TSC1: variants seen among roughly 807,000 people sequenced by gnomAD.
TSC1 encodes TSC complex subunit 1, also known as hamartin.
In TSC1, 20 loss-of-function variants were observed where a neutral mutation model predicts 124.3. The observed-to-expected ratio is 0.16, with a 90% CI of 0.11 to 0.23. The LOEUF (loss-of-function observed/expected upper bound fraction) is 0.23. Among genes scored for constraint, TSC1 ranks in the 10% least tolerant of loss-of-function variants. The pLI, the probability that TSC1 is intolerant of heterozygous loss-of-function variation, is 1.00. For synonymous variants in TSC1, 493 were observed against 539.1 expected (o/e 0.91, Z 1.19); for missense variants, 1,124 against 1,448.5 (o/e 0.78, Z 3.64).
intron 5 of TSC1, among the ~76,000 whole-genome samples, chr9:132,924,161 C>G (rs1449467704): frequency 6.6e-6 from 1 of 152,120 alleles, no homozygotes; most frequent in East Asian, 1.9e-4. Context: ...CCAATGGATA[C>G]TCAATCAGCT....
chr9:132,892,633 C>G lies in TSC1; in HGVS notation c.*3602G>C, dbSNP rs1844831792. 1 of 233,284 alleles carries G rather than the reference C, an allele frequency of 4.3e-6. No individual in the cohort carries two copies. The highest frequency in any genetic ancestry group is 5.6e-5 in the Admixed American group (1 of 17,784). The allele number at this position is 233,284 out of a possible 1,614,324, so 14.5% of individuals were successfully genotyped here. A position where few individuals can be genotyped will look rare whatever the true frequency, so the allele number is the denominator to read the frequency against. On this transcript the variant is annotated 3_prime_UTR_variant, in exon 23 of 23. Transcript: ENST00000298552. ...AGCCTGTGCAGGCCTCCTCCCACCTCTTAGTGCTTTCAGCGAGAAAAGGTG... is the reference window on the plus strand; with the variant it reads ...AGCCTGTGCAGGCCTCCTCCCACCTGTTAGTGCTTTCAGCGAGAAAAGGTG...
chr9:132,910,446 T>C (rs1845887733), intron 12 of TSC1, 125 bp downstream of exon 12: 8 of 1,553,252 alleles, frequency 5.2e-6, no homozygotes, highest in Non-Finnish European at 7.1e-6. Flanking sequence ...TTTTCAATTA[T>C]TCTGATTCAA....
Position 132,903,504 on chromosome 9 carries a change from T to G in TSC1, c.2208+147A>C. Reference sequence around the variant, plus strand: ...ATGAGGGAATTCCGAGGTGTCACCATTCATGTCTTAATCTCAAGCGACCTG... The same window carrying G: ...ATGAGGGAATTCCGAGGTGTCACCAGTCATGTCTTAATCTCAAGCGACCTG... On this transcript the variant is annotated intron_variant, in intron 17 of 22. Coordinates refer to ENST00000298552, the MANE Select transcript of TSC1 (RefSeq NM_000368.5). The surrounding 1 kb of genome is among the most constrained non-coding windows in gnomAD (Gnocchi z 5.9). 1 of 1,095,796 alleles carries G rather than the reference T, an allele frequency of 9.1e-7. No homozygotes were observed. Among genetic ancestry groups the G allele is most frequent in the Non-Finnish European group, 1.4e-6 (1 of 732,900 alleles). The allele number at this position is 1,095,796 out of a possible 1,614,324, so 67.9% of individuals were successfully genotyped here.
At chr9:132,911,282 A>G (rs1257997887) in intron 10 of TSC1, 169 bp from the exon 11 acceptor site, 1 of 805,198 alleles carries the variant, frequency 1.2e-6, no homozygotes, top group East Asian at 2.6e-5. Context: ...CAAGACTTCA[A>G]GATGAATCTA....
intron 12 of TSC1, among the ~76,000 whole-genome samples, chr9:132,907,756 C>CAGCTT (rs1845748044): frequency 6.6e-6 from 1 of 152,162 alleles, no homozygotes; most frequent in Non-Finnish European, 1.5e-5. Context: ...TCCCAAAGTG[C>CAGCTT]TGGGACCACG....
chr9:132,901,287 G>GGGAT (rs1445634451), intron 19 of TSC1, among the ~76,000 whole-genome samples: 1 of 152,230 alleles, frequency 6.6e-6, no homozygotes, highest in Non-Finnish European at 1.5e-5. Flanking sequence ...AGAGTTCCAT[G>GGGAT]GGATACACAT....
rs1064796512 is a variant in TSC1 at position 132,911,004 on chromosome 9, G to C, written c.1139C>G (p.Thr380Ser). The change falls in exon 11 of 23, where the codon ACT becomes AGT. Residue 380 changes from threonine (T) to serine (S), a missense_variant and splice_region_variant. This residue lies in a region of TSC1 where 463 missense variants were observed against 606.8 expected (regional missense o/e 0.76). Coordinates refer to ENST00000298552, the MANE Select transcript of TSC1 (RefSeq NM_000368.5). ...AATCCAACCTAAGACATACATACCA[G>C]TTGTACCAAAGACTTTACTGTAAGG... ...SHPYSKVFGTTAGGKGTPLGT... is the reference protein window; with the variant it reads ...SHPYSKVFGTSAGGKGTPLGT... 4 of 1,613,478 alleles carry C rather than the reference G, an allele frequency of 2.5e-6. No homozygotes were observed. Among genetic ancestry groups the C allele is most frequent in the African/African-American group, 2.7e-5 (2 of 74,904 alleles).
At chr9:132,940,768 T>C (rs747676412) in intron 1 of TSC1, 3 of 152,194 alleles carry the variant, frequency 2.0e-5, no homozygotes, top group Non-Finnish European at 4.4e-5. Context: ...TATAACAATA[T>C]TACTACTTCA....
intron 8 of TSC1, among the ~76,000 whole-genome samples, chr9:132,915,185 A>G (rs575575128): frequency 6.6e-6 from 1 of 151,938 alleles, no homozygotes; most frequent in African/African-American, 2.4e-5. Flanking sequence ...ACCCTGTCTC[A>G]GGAAGAAAAA....
In TSC1 at chr9:132,894,540, G is replaced by A. The variant is rs1465765367; in HGVS notation, c.*1695C>T. 4.4e-6 allele frequency: 1 copy of A among 228,840 alleles called. No individual in the cohort carries two copies. The highest frequency in any genetic ancestry group is 6.2e-5 in the East Asian group (1 of 16,030). 14.2% of individuals were successfully genotyped at this position (228,840 alleles called of 1,614,324 possible). A position where few individuals can be genotyped will look rare whatever the true frequency, so the allele number is the denominator to read the frequency against. Reference sequence around the variant, plus strand: ...ACCAACTGCCAGCCTGTGCTAGGCTGAGTAGTTGGGACCACGCCCTGCCAC... The same window carrying A: ...ACCAACTGCCAGCCTGTGCTAGGCTAAGTAGTTGGGACCACGCCCTGCCAC... On this transcript the variant is annotated 3_prime_UTR_variant, in exon 23 of 23. Transcript: ENST00000298552.
At position 132,927,319 on chromosome 9, in the gene TSC1, G is replaced by A. The variant is rs1448464915; in HGVS notation, c.107-15C>T. ...AGGGCCACGGTCTAAATCAAGAAAA[G>A]GGCAATGGATGATACTTATTCCCCT... is the stretch of plus-strand genomic sequence containing the variant. On this transcript the variant is annotated splice_polypyrimidine_tract_variant and intron_variant, in intron 3 of 22. Transcript: ENST00000298552. 1 of 1,610,488 alleles carries A rather than the reference G, an allele frequency of 6.2e-7. No individual in the cohort carries two copies. The highest frequency in any genetic ancestry group is 8.5e-7 in the Non-Finnish European group (1 of 1,177,576).
chr9:132,936,209 G>A (rs1847450241), intron 1 of TSC1, among the ~76,000 whole-genome samples: 1 of 152,038 alleles, frequency 6.6e-6, no homozygotes, highest in Admixed American at 6.6e-5. Flanking sequence ...CAAACTCCTA[G>A]GCTCAAGTGA....
chr9:132,906,866 A>C lies in TSC1; in HGVS notation c.1334-31T>G. The C allele has an allele frequency of 1.3e-6, 2 of 1,562,334 alleles. No homozygotes were observed. The highest frequency in any genetic ancestry group is 1.8e-6 in the Non-Finnish European group (2 of 1,133,438). On this transcript the variant is annotated intron_variant, in intron 13 of 22. Transcript: ENST00000298552. This position sits in a 1 kb window ranked among gnomAD's most constrained non-coding sequence, Gnocchi z 4.1. ...GAGAAACAAAGACAACTGAAGTCAA[A>C]GAAATACAGTGTAATCCCTGTAAGT...
At chr9:132,904,507 CG>C (rs1845554536) in intron 15 of TSC1, 53 bp from the exon 16 acceptor site, 1 of 1,561,916 alleles carries the variant, frequency 6.4e-7, no homozygotes, top group South Asian at 1.1e-5. Flanking sequence ...AAGAAAAAAA[CG>C]TATCTGGACT....
intron 20 of TSC1, 83 bp downstream of exon 20, chr9:132,900,632 A>C (rs1564474746): frequency 6.2e-7 from 1 of 1,605,250 alleles, no homozygotes; most frequent in Non-Finnish European, 8.5e-7. Flanking sequence ...TCATCAAGCC[A>C]TTCTCTATGC....
In TSC1 at chr9:132,906,017, A is replaced by G. The variant is rs1194627656; in HGVS notation, c.1561T>C (p.Ser521Pro). Reference sequence around the variant, plus strand: ...GCGCCCTGAGAACTGGAGGCTGCCGAGTGGGTCTTCCGCTGAGAACCTGGG... The same window carrying G: ...GCGCCCTGAGAACTGGAGGCTGCCGGGTGGGTCTTCCGCTGAGAACCTGGG... ...SLPGSQRKTH[S>P]AASSSQGASV... Residue 521 changes from serine to proline, a missense_variant, in exon 15 of 23, where the codon TCG becomes CCG. Ser to Pro is a moderately conservative substitution (Grantham distance 74). This residue lies in a region of TSC1 where 321 missense variants were observed against 397.4 expected (regional missense o/e 0.81). Transcript: ENST00000298552. The surrounding 1 kb of genome is among the most constrained non-coding windows in gnomAD (Gnocchi z 4.1). 6.2e-7 allele frequency: 1 copy of G among 1,613,836 alleles called. No individual in the cohort carries two copies. Among genetic ancestry groups the G allele is most frequent in the African/African-American group, 1.3e-5 (1 of 74,844 alleles).
At chr9:132,928,342 A>G (rs1028166757) in intron 3 of TSC1, among the ~76,000 whole-genome samples, 3 of 152,252 alleles carry the variant, frequency 2.0e-5, no homozygotes, top group Non-Finnish European at 2.9e-5. Flanking sequence ...TCCTGCTAAC[A>G]GTGCCCATTT....
chr9:132,905,102 G>A (rs879624447), intron 15 of TSC1, among the ~76,000 whole-genome samples: 1 of 152,156 alleles, frequency 6.6e-6, no homozygotes, highest in Non-Finnish European at 1.5e-5. Context: ...AGGGGGTCTG[G>A]AGGGGATGTC....
At chr9:132,909,249 G>A (rs940927356) in intron 12 of TSC1, among the ~76,000 whole-genome samples, 3 of 152,080 alleles carry the variant, frequency 2.0e-5, no homozygotes, top group Non-Finnish European at 2.9e-5. Flanking sequence ...ATTCTGCAAC[G>A]TATCATACAT....
Sources: gnomAD v4.1 joint callset for allele counts (sites outside exome capture counted in the v4.1 genomes callset) on GRCh38, gnomAD v4.1.1 for gene constraint, gnomAD v4.1.1 regional missense constraint, Gnocchi (gnomAD v3.1) non-coding constraint, MANE v1.5 for transcripts, NCBI Gene and HGNC (gene_info 2026-07-23, HGNC 2026-07-21) for gene names.